Variants in MYO6 observed in about 807,000 individuals in gnomAD.
MYO6 encodes unconventional myosin-VI.
Under a neutral mutation model 178.7 loss-of-function variants are expected in MYO6, and 74 were observed. The observed-to-expected ratio is 0.41, with a 90% CI of 0.34 to 0.50. MYO6 has a LOEUF of 0.50. MYO6 is among the 20% of genes least tolerant of loss of function. The pLI is 0.09. For missense variants in MYO6, 1,330 were observed against 1,547.4 expected, an observed-to-expected ratio of 0.86 and a Z score of 2.36; for synonymous variants, 477 against 504.6, an observed-to-expected ratio of 0.95 and a Z score of 0.73.
intron 30 of MYO6, among the ~76,000 whole-genome samples, chr6:75,899,595 T>C (rs1164397006): frequency 6.6e-6 from 1 of 151,950 alleles, no homozygotes; most frequent in Non-Finnish European, 1.5e-5. Context: ...AAAAGCTACA[T>C]GGAAAATTGC....
intron 1 of MYO6, among the ~76,000 whole-genome samples, chr6:75,804,442 G>T (rs1003158313): frequency 3.9e-5 from 6 of 152,094 alleles, no homozygotes; most frequent in Non-Finnish European, 2.9e-5. Flanking sequence ...GCAAGGCCAG[G>T]GCTTGGCCAG....
intron 1 of MYO6, among the ~76,000 whole-genome samples, chr6:75,800,178 A>G (rs1200156350): frequency 1.3e-5 from 2 of 152,156 alleles, no homozygotes; most frequent in East Asian, 1.9e-4. Context: ...ACTCTCCCCA[A>G]ACAGTCCCGT....
intron 1 of MYO6, among the ~76,000 whole-genome samples, chr6:75,808,652 C>A (rs1376701160): frequency 6.6e-6 from 1 of 152,154 alleles, no homozygotes; most frequent in Non-Finnish European, 1.5e-5. Context: ...CCCAGAATAT[C>A]TAAGACAGGT....
At chr6:75,797,387 C>T (rs1768975665) in intron 1 of MYO6, among the ~76,000 whole-genome samples, 1 of 152,166 alleles carries the variant, frequency 6.6e-6, no homozygotes, top group Admixed American at 6.5e-5. Flanking sequence ...GCCACTGCGT[C>T]CAGTGTGTGT....
intron 30 of MYO6, among the ~76,000 whole-genome samples, chr6:75,903,138 A>G (rs1002075055): frequency 3.3e-5 from 5 of 152,072 alleles, no homozygotes; most frequent in Non-Finnish European, 7.4e-5. Flanking sequence ...GGAGAGCCTT[A>G]CTTCCAAGTA....
In MYO6 at chr6:75,821,655, A is replaced by C. The variant is rs909813555; in HGVS notation, c.118-1127A>C. 5.9e-5 allele frequency among the ~76,000 whole-genome samples: 9 copies of C among 151,872 alleles called. No individual in the cohort carries two copies. In the East Asian group the frequency reaches 9.6e-4, roughly 16 times the overall value. On this transcript the variant is annotated intron_variant, in intron 2 of 34. Coordinates refer to ENST00000369977, the MANE Select transcript of MYO6 (RefSeq NM_004999.4). ...CACACACACAAACACACACACACAC[A>C]CCCCTATAAATATTATTTTAAAATA...
Position 75,873,312 on chromosome 6 carries a change from A to G in MYO6, c.2077+12A>G, listed in dbSNP as rs1777295626. On this transcript the variant is annotated intron_variant, in intron 20 of 34. Transcript: ENST00000369977. ...GCTTCAGTGTTCAGGTATTTTCATA[A>G]TCTCTGTCAGTGTGTGTTAGTAGTC... 1 of 1,593,012 alleles carries G rather than the reference A, an allele frequency of 6.3e-7. No individual in the cohort carries two copies. Among genetic ancestry groups the G allele is most frequent in the Non-Finnish European group, 8.6e-7 (1 of 1,160,920 alleles).
rs886061766 is a variant in MYO6, at chr6:75,915,374, A to G, written c.*362A>G. The G allele has an allele frequency of 6.2e-5, 19 of 305,520 alleles. No homozygotes were observed. Among genetic ancestry groups the G allele is most frequent in the East Asian group, 5.8e-4 (7 of 12,082 alleles). 18.9% of individuals were successfully genotyped at this position (305,520 alleles called of 1,614,324 possible). A position where few individuals can be genotyped will look rare whatever the true frequency, so the allele number is the denominator to read the frequency against. ...ATTCAAAATACTTTTTAAGGATGGC[A>G]CAGTACCATATAACTGGAGTAATAA... is the stretch of plus-strand genomic sequence containing the variant. On this transcript the variant is annotated 3_prime_UTR_variant, in exon 35 of 35. Transcript: ENST00000369977.
Position 75,858,866 on chromosome 6 carries a change from T to G in MYO6, c.1382-36T>G. The G allele has an allele frequency of 4.1e-6, 5 of 1,220,686 alleles. No homozygotes were observed. In the South Asian group the frequency reaches 6.3e-5, roughly 15 times the overall value. The allele number at this position is 1,220,686 out of a possible 1,614,324, so 75.6% of individuals were successfully genotyped here. ...ATGATAAATTTATATGAAGTTGATC[T>G]CATAATGACTCTTGGTTCTGGTTTT... On this transcript the variant is annotated intron_variant, in intron 13 of 34. Coordinates refer to ENST00000369977, the MANE Select transcript of MYO6 (RefSeq NM_004999.4).
intron 11 of MYO6, among the ~76,000 whole-genome samples, chr6:75,854,287 T>C (rs1775549797): frequency 1.5e-5 from 2 of 134,572 alleles, no homozygotes; most frequent in Non-Finnish European, 3.1e-5. Context: ...TTTTTTTTTT[T>C]TTTTTTTTTT....
chr6:75,905,581 A>G (rs6942367), intron 30 of MYO6, among the ~76,000 whole-genome samples: 115,633 of 152,198 alleles, frequency 0.76, 45,586 homozygotes, highest in Middle Eastern at 0.87. Context: ...TTTGGCTGGC[A>G]CACGGTGCGC....
intron 16 of MYO6, among the ~76,000 whole-genome samples, chr6:75,863,477 T>C (rs1388019584): frequency 6.6e-6 from 1 of 151,718 alleles, no homozygotes; most frequent in Non-Finnish European, 1.5e-5. Context: ...GAAGACCTGG[T>C]TTCTGTTTTC....
At chr6:75,841,583 A>G (rs1774232017) in intron 9 of MYO6, among the ~76,000 whole-genome samples, 3 of 151,792 alleles carry the variant, frequency 2.0e-5, no homozygotes, top group Admixed American at 2.0e-4. Context: ...AGTTCCAGCT[A>G]CTCGGGAGGC....
Position 75,861,033 on chromosome 6 carries a change from T to C in MYO6, c.1484T>C (p.Leu495Pro). The change falls in exon 15 of 35, where the codon CTC becomes CCC. Residue 495 changes from leucine (L) to proline (P), a missense_variant. By Grantham distance (98) the Leu-to-Pro change is moderately conservative. Around this residue, in one of 3 missense-constraint regions of MYO6, gnomAD observed 613 missense variants for 816.8 expected, o/e 0.75. Coordinates refer to ENST00000369977, the MANE Select transcript of MYO6 (RefSeq NM_004999.4). ...NERILKEEQE[L>P]YQKEGLGVNE... ...TTATTTCATTTTTAGGAACAAGAACTCTATCAAAAAGAAGGTTTAGGTGTT... is the reference window on the plus strand; with the variant it reads ...TTATTTCATTTTTAGGAACAAGAACCCTATCAAAAAGAAGGTTTAGGTGTT... 2 of 1,599,056 alleles carry C rather than the reference T, an allele frequency of 1.3e-6. No homozygotes were observed. The highest frequency in any genetic ancestry group is 1.7e-6 in the Non-Finnish European group (2 of 1,166,596).
At chr6:75,877,276 T>G (rs1777640686) in intron 20 of MYO6, among the ~76,000 whole-genome samples, 1 of 150,946 alleles carries the variant, frequency 6.6e-6, no homozygotes, top group Admixed American at 6.6e-5. Context: ...CCTCGTCTTT[T>G]TTTTTTTTGA....
At chr6:75,784,013 C>T (rs1331565706) in intron 1 of MYO6, among the ~76,000 whole-genome samples, 4 of 151,796 alleles carry the variant, frequency 2.6e-5, no homozygotes, top group Admixed American at 2.6e-4. Flanking sequence ...GCTCTGTTGC[C>T]CAGGCTGGAG....
chr6:75,781,528 A>C (rs905879424), intron 1 of MYO6, among the ~76,000 whole-genome samples: 6 of 152,174 alleles, frequency 3.9e-5, no homozygotes, highest in Admixed American at 3.9e-4. Context: ...TGGAGTTGAC[A>C]CGTTGATCTC....
chr6:75,870,551 T>C (rs1307196751), intron 18 of MYO6, 96 bp from the exon 19 acceptor site: 10 of 937,154 alleles, frequency 1.1e-5, no homozygotes, highest in Non-Finnish European at 1.5e-5. Flanking sequence ...TGTTATTGCA[T>C]GTTATTTTAT....
At chr6:75,897,627 A>G (rs533834980) in intron 29 of MYO6, among the ~76,000 whole-genome samples, 3 of 152,332 alleles carry the variant, frequency 2.0e-5, no homozygotes, top group South Asian at 4.1e-4. Flanking sequence ...CTAGAGTTTG[A>G]TGAGTAGAAT....
Sources: allele counts gnomAD v4.1 joint callset (sites outside exome capture counted in the v4.1 genomes callset), GRCh38; gene constraint gnomAD v4.1.1; regional missense constraint gnomAD v4.1.1; transcripts MANE v1.5; gene names NCBI Gene and HGNC (gene_info 2026-07-23, HGNC 2026-07-21).